The following MAGI2 variants were observed in gnomAD, a reference collection of about 807,000 sequenced individuals.
MAGI2 encodes the protein membrane-associated guanylate kinase, WW and PDZ domain-containing protein 2.
In MAGI2, 35 loss-of-function variants were observed where a neutral mutation model predicts 133.3. The observed-to-expected ratio is 0.26, with a 90% CI of 0.20 to 0.35. The LOEUF (loss-of-function observed/expected upper bound fraction) is 0.35, where lower values mean the gene tolerates loss of function less well. Ranked by LOEUF, MAGI2 falls within the 10% of genes least tolerant of loss-of-function variation. MAGI2 has a pLI of 1.00. For synonymous variants in MAGI2, 729 were observed against 710.6 expected (o/e 1.03, Z -0.41); for missense variants, 1,636 against 1,863.4 (o/e 0.88, Z 2.25).
chr7:79,054,918 G>C (rs948156047), intron 1 of MAGI2, among the ~76,000 whole-genome samples: 6 of 152,192 alleles, frequency 3.9e-5, no homozygotes, highest in Non-Finnish European at 4.4e-5. Flanking sequence ...AGCCTCCCAA[G>C]TAGCTGGGAT....
intron 9 of MAGI2, among the ~76,000 whole-genome samples, chr7:78,311,764 T>A (rs891393668): frequency 2.0e-5 from 3 of 151,950 alleles, no homozygotes; most frequent in South Asian, 2.1e-4. Context: ...TATGACACTT[T>A]CACAAATTCT....
chr7:79,129,948 C>T lies in MAGI2; in HGVS notation c.302-122742G>A, dbSNP rs190213610. 2.0e-5 allele frequency among the ~76,000 whole-genome samples: 3 copies of T among 152,216 alleles called. No individual in the cohort carries two copies. The East Asian group carries it at 5.8e-4, about 29-fold the overall frequency. ...ATGTCTGCCATAATCATGCAATTTA[C>T]ACATTTGTACTCATTTTAGAATTAG... On this transcript the variant is annotated intron_variant, in intron 1 of 21. Transcript: ENST00000354212.
chr7:78,728,529 C>G (rs1585212713), intron 2 of MAGI2, among the ~76,000 whole-genome samples: 2 of 113,008 alleles, frequency 1.8e-5, no homozygotes, highest in African/African-American at 3.5e-5. Flanking sequence ...GTATGTCCAT[C>G]TTTCTCTGAT....
At chr7:78,748,916 C>T (rs1823192178) in intron 2 of MAGI2, among the ~76,000 whole-genome samples, 1 of 152,134 alleles carries the variant, frequency 6.6e-6, no homozygotes, top group Admixed American at 6.5e-5. Context: ...TCTGTGTAAG[C>T]ATATTCATGC....
chr7:79,181,541 TC>T (rs1454216826), intron 1 of MAGI2, among the ~76,000 whole-genome samples: 3 of 151,816 alleles, frequency 2.0e-5, no homozygotes, highest in Non-Finnish European at 4.4e-5. Flanking sequence ...AACTATTTTT[TC>T]CCCCTAAACC....
At chr7:79,004,163 T>C (rs1562775228) in intron 2 of MAGI2, among the ~76,000 whole-genome samples, 1 of 152,208 alleles carries the variant, frequency 6.6e-6, no homozygotes, top group Admixed American at 6.5e-5. Context: ...ACTCATATGT[T>C]GATTGCAGCA....
chr7:78,173,139 AG>A (rs1441314934), intron 14 of MAGI2, among the ~76,000 whole-genome samples: 7 of 152,172 alleles, frequency 4.6e-5, no homozygotes, highest in Admixed American at 6.5e-5. Flanking sequence ...TGCCCACTGG[AG>A]GGGAGAAAGG....
At chr7:78,778,324 G>A (rs1027354598) in intron 2 of MAGI2, among the ~76,000 whole-genome samples, 1 of 152,142 alleles carries the variant, frequency 6.6e-6, no homozygotes, top group Non-Finnish European at 1.5e-5. Flanking sequence ...AATCCACTCA[G>A]TGTCACTTTC....
intron 2 of MAGI2, among the ~76,000 whole-genome samples, chr7:78,961,688 A>G (rs78489750): frequency 0.026 from 4,019 of 152,160 alleles, 175 homozygotes; most frequent in African/African-American, 0.091. Flanking sequence ...AAAACAAACT[A>G]TATCTGCTAG....
intron 6 of MAGI2, among the ~76,000 whole-genome samples, chr7:78,467,625 A>G (rs184846317): frequency 1.1e-4 from 16 of 152,040 alleles, no homozygotes; most frequent in Non-Finnish European, 5.9e-5. Flanking sequence ...ATAAAATGCA[A>G]TTTGGTGTGA....
chr7:78,330,649 G>C (rs1205490795), intron 9 of MAGI2, among the ~76,000 whole-genome samples: 2 of 114,478 alleles, frequency 1.7e-5, no homozygotes, highest in African/African-American at 6.4e-5. Context: ...AAAAAAGAAA[G>C]ATTCCTTCAC....
intron 6 of MAGI2, among the ~76,000 whole-genome samples, chr7:78,488,323 C>T (rs990086947): frequency 2.0e-5 from 3 of 151,942 alleles, no homozygotes; most frequent in Admixed American, 6.6e-5. Context: ...GTTATGCTTG[C>T]GTCTCTCTCA....
In MAGI2 at chr7:79,124,470, C is replaced by G. The variant is rs183566025; in HGVS notation, c.302-117264G>C. ...AAGTCACAGAGCCAGAAGAGGAAAA[C>G]AGGACTTGAACTTAGGTCTACTGAC... On this transcript the variant is annotated intron_variant, in intron 1 of 21. Transcript: ENST00000354212. Among the ~76,000 whole-genome samples, 134 of 152,254 alleles carry G rather than the reference C, an allele frequency of 8.8e-4. 2 individuals carry two copies. Among genetic ancestry groups the G allele is most frequent in the African/African-American group, 2.9e-3 (122 of 41,550 alleles).
chr7:78,829,099 T>G (rs919940616), intron 2 of MAGI2, among the ~76,000 whole-genome samples: 1 of 152,268 alleles, frequency 6.6e-6, no homozygotes, highest in Middle Eastern at 3.4e-3. Context: ...GTTACAAGAC[T>G]GACATGATGT....
rs968332211 is a variant in MAGI2, at chr7:78,825,934, A to C, written c.418+181156T>G. On this transcript the variant is annotated intron_variant, in intron 2 of 21. Transcript: ENST00000354212. ...TTTATTTATAATAATCCAAAGCTAGAAGTAATCAAGATGCCTCTCAATAGG... is the reference window on the plus strand; with the variant it reads ...TTTATTTATAATAATCCAAAGCTAGCAGTAATCAAGATGCCTCTCAATAGG... 6.6e-5 allele frequency among the ~76,000 whole-genome samples: 10 copies of C among 152,308 alleles called. 2 individuals carry two copies. Among genetic ancestry groups the C allele is most frequent in the Admixed American group, 5.9e-4 (9 of 15,290 alleles).
At chr7:79,170,832 A>C (rs1426295450) in intron 1 of MAGI2, among the ~76,000 whole-genome samples, 1 of 152,066 alleles carries the variant, frequency 6.6e-6, no homozygotes, top group Non-Finnish European at 1.5e-5. Flanking sequence ...TTAAAATAAA[A>C]CTCATGGAAA....
At chr7:78,364,048 T>C (rs1793123401) in intron 7 of MAGI2, among the ~76,000 whole-genome samples, 1 of 151,954 alleles carries the variant, frequency 6.6e-6, no homozygotes. Flanking sequence ...TCCTCCTTCT[T>C]CTCTATAATC....
At chr7:78,653,012 C>T (rs892131670) in intron 2 of MAGI2, among the ~76,000 whole-genome samples, 12 of 151,686 alleles carry the variant, frequency 7.9e-5, no homozygotes, top group Admixed American at 2.0e-4. Flanking sequence ...GACATTTATG[C>T]GGTCAACAAA....
intron 1 of MAGI2, among the ~76,000 whole-genome samples, chr7:79,441,333 A>C (rs1166099194): frequency 1.3e-5 from 2 of 152,220 alleles, no homozygotes; most frequent in African/African-American, 2.4e-5. Context: ...AACTGAAGCA[A>C]AGCATCTCCT....
Sources: allele counts gnomAD v4.1 joint callset (sites outside exome capture counted in the v4.1 genomes callset), GRCh38; gene constraint gnomAD v4.1.1; transcripts MANE v1.5; gene names NCBI Gene and HGNC (gene_info 2026-07-23, HGNC 2026-07-21).